HS6ST3: variants seen among roughly 807,000 people sequenced by gnomAD.
HS6ST3 encodes heparan-sulfate 6-O-sulfotransferase 3.
HS6ST3 carries 12 observed loss-of-function variants against 36.7 expected under a neutral mutation model. That is an observed-to-expected ratio of 0.33 (90% confidence interval 0.21 to 0.53). The LOEUF (loss-of-function observed/expected upper bound fraction) is 0.53. Among genes scored for constraint, HS6ST3 ranks in the 20% least tolerant of loss-of-function variants. The pLI, the probability that HS6ST3 is intolerant of heterozygous loss-of-function variation, is 0.95. For missense variants in HS6ST3, 584 were observed against 640.9 expected (o/e 0.91, Z 0.96); for synonymous variants, 240 against 257.5 (o/e 0.93, Z 0.65).
At chr13:96,424,995 G>T (rs948818741) in intron 1 of HS6ST3, among the ~76,000 whole-genome samples, 2 of 152,026 alleles carry the variant, frequency 1.3e-5, no homozygotes, top group East Asian at 1.9e-4. Context: ...GCAGATTTTT[G>T]GGGGGATAAA....
chr13:96,668,012 A>G (rs182738973), intron 1 of HS6ST3, among the ~76,000 whole-genome samples: 1 of 152,318 alleles, frequency 6.6e-6, no homozygotes, highest in East Asian at 1.9e-4. Context: ...AACATTCACC[A>G]AGTCCTTACT....
intron 1 of HS6ST3, among the ~76,000 whole-genome samples, chr13:96,667,571 C>A (rs554932720): frequency 2.6e-5 from 4 of 152,048 alleles, no homozygotes; most frequent in Non-Finnish European, 5.9e-5. Flanking sequence ...GATAATGACT[C>A]GTAAATGTAA....
intron 1 of HS6ST3, among the ~76,000 whole-genome samples, chr13:96,151,105 A>G (rs1186972412): frequency 6.6e-6 from 1 of 152,148 alleles, no homozygotes; most frequent in Non-Finnish European, 1.5e-5. Context: ...CCACTAAAAA[A>G]AGACTACCTG....
intron 1 of HS6ST3, among the ~76,000 whole-genome samples, chr13:96,523,353 C>A (rs189457578): frequency 5.3e-4 from 80 of 152,222 alleles, no homozygotes; most frequent in Admixed American, 1.3e-3. Context: ...TGGGGTTGCT[C>A]TTCTCGAGGA....
intron 1 of HS6ST3, among the ~76,000 whole-genome samples, chr13:96,732,835 G>C (rs1327430829): frequency 2.4e-5 from 3 of 127,190 alleles, no homozygotes; most frequent in South Asian, 2.3e-4. Flanking sequence ...ACGTTTTATA[G>C]TTTTCAATGT....
chr13:96,168,279 T>A (rs1330496511), intron 1 of HS6ST3, among the ~76,000 whole-genome samples: 1 of 152,194 alleles, frequency 6.6e-6, no homozygotes, highest in African/African-American at 2.4e-5. Flanking sequence ...TCATTATCTT[T>A]AAGACACACG....
At position 96,249,912 on chromosome 13, in the gene HS6ST3, GTAGAT is replaced by G. The variant is rs71873078; in HGVS notation, c.707+158348_707+158352del. ...GAAGTCAAATTCCCAGAGACAAAATGTAGATTAGAGTTTATGAGGGTGTTGCACAG... is the reference window on the plus strand; with the variant it reads ...GAAGTCAAATTCCCAGAGACAAAATGTAGAGTTTATGAGGGTGTTGCACAG... On this transcript the variant is annotated intron_variant, in intron 1 of 1. Coordinates refer to ENST00000376705, the MANE Select transcript of HS6ST3 (RefSeq NM_153456.4). Among the ~76,000 whole-genome samples, 1,464 of 152,222 alleles carry G rather than the reference GTAGAT, an allele frequency of 9.6e-3. 14 individuals are homozygous for G. Among genetic ancestry groups the G allele is most frequent in the African/African-American group, 0.033 (1,367 of 41,540 alleles).
chr13:96,189,847 T>C (rs944933966), intron 1 of HS6ST3, among the ~76,000 whole-genome samples: 7 of 152,156 alleles, frequency 4.6e-5, no homozygotes, highest in African/African-American at 1.7e-4. Context: ...TGGTGCATCA[T>C]GTTTGCTCAC....
chr13:96,283,920 A>G (rs1156856934), intron 1 of HS6ST3, among the ~76,000 whole-genome samples: 1 of 152,202 alleles, frequency 6.6e-6, no homozygotes, highest in Non-Finnish European at 1.5e-5. Flanking sequence ...GCAAGGTTAT[A>G]GAGGGTACAG....
chr13:96,237,182 T>A (rs2054538698), intron 1 of HS6ST3, among the ~76,000 whole-genome samples: 1 of 152,200 alleles, frequency 6.6e-6, no homozygotes. Flanking sequence ...CAATTCAAGA[T>A]GAGATTTGGG....
At chr13:96,165,810 A>G (rs1307468563) in intron 1 of HS6ST3, among the ~76,000 whole-genome samples, 5 of 152,156 alleles carry the variant, frequency 3.3e-5, no homozygotes, top group Non-Finnish European at 5.9e-5. Flanking sequence ...TGGGGTGAAG[A>G]ATACGGTCCT....
At chr13:96,182,933 A>G (rs971596298) in intron 1 of HS6ST3, among the ~76,000 whole-genome samples, 1 of 152,156 alleles carries the variant, frequency 6.6e-6, no homozygotes, top group Non-Finnish European at 1.5e-5. Flanking sequence ...TTGTCCAAGT[A>G]TTTGGAGATT....
At chr13:96,242,364 A>G (rs1400664745) in intron 1 of HS6ST3, among the ~76,000 whole-genome samples, 2 of 151,898 alleles carry the variant, frequency 1.3e-5, no homozygotes, top group Non-Finnish European at 2.9e-5. Context: ...AGCTGGGACT[A>G]CAGGTGCACT....
intron 1 of HS6ST3, among the ~76,000 whole-genome samples, chr13:96,435,871 A>G (rs571322873): frequency 6.6e-6 from 1 of 152,332 alleles, no homozygotes; most frequent in African/African-American, 2.4e-5. Context: ...TTGACTTTCA[A>G]ACAATGAAAT....
Position 96,362,898 on chromosome 13 carries a change from T to C in HS6ST3, c.707+271329T>C, listed in dbSNP as rs1042958181. On this transcript the variant is annotated intron_variant, in intron 1 of 1. Coordinates refer to ENST00000376705, the MANE Select transcript of HS6ST3 (RefSeq NM_153456.4). ...GAATGGAAAAGCCAGTCCTAAAAGA[T>C]TGCATACTGTGATTCCATTTGATTC... 2.0e-5 allele frequency among the ~76,000 whole-genome samples: 3 copies of C among 152,306 alleles called. No homozygotes were observed. The South Asian group carries it at 6.2e-4, about 32-fold the overall frequency.
At chr13:96,121,009 G>GT (rs1215913548) in intron 1 of HS6ST3, among the ~76,000 whole-genome samples, 1 of 152,178 alleles carries the variant, frequency 6.6e-6, no homozygotes, top group African/African-American at 2.4e-5. Context: ...GATAGGAAAA[G>GT]TGCCTAATTA....
At chr13:96,466,018 C>T (rs2055811771) in intron 1 of HS6ST3, among the ~76,000 whole-genome samples, 1 of 152,016 alleles carries the variant, frequency 6.6e-6, no homozygotes, top group African/African-American at 2.4e-5. Flanking sequence ...CACGGTGGCT[C>T]ACGCCTGAAA....
chr13:96,358,917 T>G (rs559688074), intron 1 of HS6ST3, among the ~76,000 whole-genome samples: 10 of 148,766 alleles, frequency 6.7e-5, no homozygotes, highest in Admixed American at 2.7e-4. Flanking sequence ...TCTATCTATC[T>G]AGAGAGAGAT....
At chr13:96,785,864 TC>T (rs1283512088) in intron 1 of HS6ST3, among the ~76,000 whole-genome samples, 1 of 152,202 alleles carries the variant, frequency 6.6e-6, no homozygotes, top group East Asian at 1.9e-4. Context: ...AGTAGTGTCT[TC>T]ACTTCGCATA....
Sources: allele counts gnomAD v4.1 joint callset (sites outside exome capture counted in the v4.1 genomes callset), GRCh38; gene constraint gnomAD v4.1.1; transcripts MANE v1.5; gene names NCBI Gene and HGNC (gene_info 2026-07-23, HGNC 2026-07-21).